The following KLB variants were observed in gnomAD, a reference collection of about 807,000 sequenced individuals.
The protein encoded by KLB is beta-klotho.
Under a neutral mutation model 88.4 loss-of-function variants are expected in KLB, and 44 were observed. The observed-to-expected ratio is 0.50, with a 90% confidence interval of 0.39 to 0.64. KLB has a LOEUF of 0.64. Among genes scored for constraint, KLB ranks in the 30% least tolerant of loss-of-function variants. The pLI is 0.00. For missense variants in KLB, 1,137 were observed against 1,304.8 expected (o/e 0.87, Z 1.98); for synonymous variants, 548 against 513.4 (o/e 1.07, Z -0.91).
chr4:39,412,445 G>A (rs1283302732), intron 1 of KLB, among the ~76,000 whole-genome samples: 1 of 152,110 alleles, frequency 6.6e-6, no homozygotes, highest in Non-Finnish European at 1.5e-5. Flanking sequence ...AGACCTTTGA[G>A]ATACAGTTCC....
At chr4:39,442,354 A>G (rs1391145623) in intron 3 of KLB, among the ~76,000 whole-genome samples, 6 of 152,296 alleles carry the variant, frequency 3.9e-5, no homozygotes, top group African/African-American at 1.4e-4. Context: ...TCAAACATAC[A>G]ATAGAAATGC....
At position 39,411,032 on chromosome 4, in the gene KLB, A is replaced by G. The variant is rs1742828778; in HGVS notation, c.825+3258A>G. Among the ~76,000 whole-genome samples, 3 of 152,104 alleles carry G rather than the reference A, an allele frequency of 2.0e-5. No individual in the cohort carries two copies. The South Asian group carries it at 6.2e-4, about 31-fold the overall frequency. On this transcript the variant is annotated intron_variant, in intron 1 of 4. Coordinates refer to ENST00000257408, the MANE Select transcript of KLB (RefSeq NM_175737.4). Reference sequence around the variant, plus strand: ...CATAATCACACCTACTAATGGATGAACCAACTCTAAGTTTTTGTTTTTGTT... The same window carrying G: ...CATAATCACACCTACTAATGGATGAGCCAACTCTAAGTTTTTGTTTTTGTT...
intron 2 of KLB, among the ~76,000 whole-genome samples, chr4:39,435,048 C>T (rs1339391334): frequency 3.3e-5 from 5 of 151,920 alleles, no homozygotes; most frequent in Non-Finnish European, 7.4e-5. Context: ...CTTAAGTGAT[C>T]CGCCCGCCTC....
At chr4:39,435,128 A>T (rs894886157) in intron 2 of KLB, among the ~76,000 whole-genome samples, 124 of 131,092 alleles carry the variant, frequency 9.5e-4, no homozygotes, top group African/African-American at 3.1e-3. Context: ...ATTGTCCAAT[A>T]TTTTTTTTTT....
intron 1 of KLB, among the ~76,000 whole-genome samples, chr4:39,418,164 C>T (rs1262540368): frequency 6.6e-6 from 1 of 152,174 alleles, no homozygotes; most frequent in Non-Finnish European, 1.5e-5. Flanking sequence ...CATTTGTCCT[C>T]ATGATTTTAA....
At chr4:39,438,875 CG>C (rs61502417) in intron 3 of KLB, among the ~76,000 whole-genome samples, 56,332 of 151,986 alleles carry the variant, frequency 0.37, 10,574 homozygotes, top group African/African-American at 0.42. Flanking sequence ...CTTCATTTTA[CG>C]GGGGGAGGAA....
Position 39,432,775 on chromosome 4 carries a change from A to G in KLB, c.826-1435A>G, listed in dbSNP as rs572217131. Among the ~76,000 whole-genome samples the G allele has an allele frequency of 7.9e-4, 121 of 152,282 alleles. 1 individual carries two copies. Among genetic ancestry groups the G allele is most frequent in the African/African-American group, 2.8e-3 (117 of 41,562 alleles). On this transcript the variant is annotated intron_variant, in intron 1 of 4. Transcript: ENST00000257408. The stretch of plus-strand genomic sequence containing the variant: ...TGGAAATGCAAACTCCAGGAGGACC[A>G]ATAATAATAACATCCACCTTTTGGC...
chr4:39,412,111 C>T (rs1464420253), intron 1 of KLB: 3 of 151,900 alleles, frequency 2.0e-5, no homozygotes, highest in Non-Finnish European at 2.9e-5. Flanking sequence ...ATATTGGATA[C>T]AATGTATACT....
rs1298373651 is a variant in KLB, at chr4:39,407,062, C to T, written c.113C>T (p.Ser38Phe). 1.2e-6 allele frequency: 2 copies of T among 1,613,910 alleles called. No homozygotes were observed. The highest frequency in any genetic ancestry group is 2.2e-5 in the East Asian group (1 of 44,894). The stretch of plus-strand genomic sequence containing the variant: ...ATGTCCAACGGGGGATTGCAAAGAT[C>T]TGTCATCCTGTCAGCACTTATTCTG... ...NTMSNGGLQR[S>F]VILSALILLR... The change falls in exon 1 of 5, where the codon TCT (serine) becomes TTT (phenylalanine). Residue 38 changes from serine to phenylalanine, a missense_variant. By Grantham distance (155) the Ser-to-Phe change is radical (BLOSUM62 -2). Transcript: ENST00000257408.
chr4:39,409,932 T>A (rs977552958), intron 1 of KLB, among the ~76,000 whole-genome samples: 1 of 151,916 alleles, frequency 6.6e-6, no homozygotes, highest in Admixed American at 6.6e-5. Flanking sequence ...AAAAAAATAA[T>A]AAATAAAAAA....
chr4:39,409,971 T>G (rs146852530), intron 1 of KLB, among the ~76,000 whole-genome samples: 52 of 152,252 alleles, frequency 3.4e-4, no homozygotes, highest in African/African-American at 1.2e-3. Context: ...CCAAAGGATC[T>G]AAAGTGAAAA....
intron 1 of KLB, among the ~76,000 whole-genome samples, chr4:39,431,493 C>T (rs1578209001): frequency 6.6e-6 from 1 of 151,702 alleles, no homozygotes; most frequent in African/African-American, 2.4e-5. Context: ...TCAGGTGATC[C>T]GCCCGCCTCG....
At chr4:39,425,405 C>A (rs910872233) in intron 1 of KLB, among the ~76,000 whole-genome samples, 35 of 152,234 alleles carry the variant, frequency 2.3e-4, no homozygotes, top group African/African-American at 7.5e-4. Context: ...TGAGACAATA[C>A]AAACTGAGAA....
In KLB at chr4:39,450,712, T is replaced by C. The variant is rs1743872475; in HGVS notation, c.*2026T>C. On this transcript the variant is annotated 3_prime_UTR_variant, in exon 5 of 5. Coordinates refer to ENST00000257408, the MANE Select transcript of KLB (RefSeq NM_175737.4). ...TTCTGTTTTTATTACTCTAACTATG[T>C]AGAAACAGTAAGTCACTTAAAACAA... 6.6e-6 allele frequency: 1 copy of C among 152,172 alleles called. No individual in the cohort carries two copies. Among genetic ancestry groups the C allele is most frequent in the Non-Finnish European group, 1.5e-5 (1 of 68,032 alleles). The allele number at this position is 152,172 out of a possible 1,614,324, so 9.4% of individuals were successfully genotyped here.
chr4:39,430,934 T>C (rs1305598469), intron 1 of KLB, among the ~76,000 whole-genome samples: 24 of 144,008 alleles, frequency 1.7e-4, no homozygotes, highest in Non-Finnish European at 2.8e-4. Flanking sequence ...TTTTTTCCCC[T>C]GAGTCAGGGT....
At chr4:39,442,241 CA>C (rs547196892) in intron 3 of KLB, among the ~76,000 whole-genome samples, 9,727 of 138,292 alleles carry the variant, frequency 0.07, 316 homozygotes, top group African/African-American at 0.084. Context: ...GACCCTGTCT[CA>C]AAAAAAAAAA....
At chr4:39,428,272 C>G (rs895054246) in intron 1 of KLB, among the ~76,000 whole-genome samples, 2 of 151,832 alleles carry the variant, frequency 1.3e-5, no homozygotes, top group Non-Finnish European at 2.9e-5. Flanking sequence ...ACTAAAAATA[C>G]AAAAAATTAG....
intron 3 of KLB, among the ~76,000 whole-genome samples, chr4:39,439,949 T>G (rs976930365): frequency 3.9e-5 from 6 of 151,996 alleles, no homozygotes; most frequent in South Asian, 2.1e-4. Flanking sequence ...ATTACAGGCA[T>G]GAGCCACCAC....
chr4:39,444,461 G>T (rs748282441), intron 3 of KLB, among the ~76,000 whole-genome samples: 1 of 152,112 alleles, frequency 6.6e-6, no homozygotes, highest in African/African-American at 2.4e-5. Flanking sequence ...TTCTTCTCCT[G>T]GAAAAAGCCA....
Sources: gnomAD v4.1 joint callset for allele counts (sites outside exome capture counted in the v4.1 genomes callset) on GRCh38, gnomAD v4.1.1 for gene constraint, MANE v1.5 for transcripts, NCBI Gene and HGNC (gene_info 2026-07-23, HGNC 2026-07-21) for gene names.